The following ADD3 variants were observed in gnomAD, a reference collection of about 807,000 sequenced individuals.
The protein encoded by ADD3 is adducin 3, also known as gamma-adducin.
A neutral mutation model predicts 80.2 loss-of-function variants in ADD3; 25 were observed. The ratio of observed to expected loss-of-function variants is 0.31; its 90% CI spans 0.23 to 0.44. The LOEUF is 0.44. ADD3 is among the 20% of genes least tolerant of loss of function. The pLI, the probability that ADD3 is intolerant of heterozygous loss-of-function variation, is 1.00. For missense variants in ADD3, 829 were observed against 847.5 expected (o/e 0.98, Z 0.27); for synonymous variants, 284 against 289.6 (o/e 0.98, Z 0.20).
intron 1 of ADD3, among the ~76,000 whole-genome samples, chr10:110,043,701 A>C (rs1856612802): frequency 6.6e-6 from 1 of 152,242 alleles, no homozygotes; most frequent in Admixed American, 6.5e-5. Context: ...CATTCAATAA[A>C]TATTTTAATT....
In ADD3 at chr10:110,077,503, G is replaced by A. The variant is rs185515339; in HGVS notation, c.-29-23122G>A. Among the ~76,000 whole-genome samples, 4 of 152,166 alleles carry A rather than the reference G, an allele frequency of 2.6e-5. No homozygotes were observed. The East Asian group carries it at 7.7e-4, about 29-fold the overall frequency. On this transcript the variant is annotated intron_variant, in intron 1 of 14. Coordinates refer to ENST00000356080, the MANE Select transcript of ADD3 (RefSeq NM_016824.5). ...TGGCAATACTGTATTTCGAGACATC[G>A]TGACATGAACTTTGTGTGTAAGAGT...
intron 1 of ADD3, among the ~76,000 whole-genome samples, chr10:110,094,180 A>T (rs1244991408): frequency 6.6e-6 from 1 of 152,148 alleles, no homozygotes. Context: ...CTCTCAGTGG[A>T]TGGTATTTAT....
chr10:110,073,138 C>CTTTTTTTTTTTTTTTT (rs1189793476), intron 1 of ADD3, among the ~76,000 whole-genome samples: 2 of 94,254 alleles, frequency 2.1e-5, no homozygotes, highest in African/African-American at 9.1e-5. Flanking sequence ...TTTTAGTTTT[C>CTTTTTTTTTTTTTTTT]TTTTTTTTTT....
At chr10:110,021,618 A>G (rs988524213) in intron 1 of ADD3, among the ~76,000 whole-genome samples, 3 of 152,218 alleles carry the variant, frequency 2.0e-5, no homozygotes, top group Non-Finnish European at 2.9e-5. Flanking sequence ...ACAAGGCCAC[A>G]TATTATATGG....
intron 2 of ADD3, among the ~76,000 whole-genome samples, chr10:110,106,533 G>C (rs1849412194): frequency 6.6e-6 from 1 of 151,938 alleles, no homozygotes; most frequent in Non-Finnish European, 1.5e-5. Context: ...TAGCCTACAT[G>C]AATCTCACAT....
intron 1 of ADD3, among the ~76,000 whole-genome samples, chr10:110,070,322 T>C (rs1844508040): frequency 6.6e-6 from 1 of 152,188 alleles, no homozygotes; most frequent in South Asian, 2.1e-4. Context: ...TTTTTTACCA[T>C]GATACCTGTT....
At chr10:110,123,740 A>G (rs1016324085) in intron 9 of ADD3, 1 of 329,524 alleles carries the variant, frequency 3.0e-6, no homozygotes, top group African/African-American at 2.1e-5. Context: ...ATAGAAAAGC[A>G]CTTCTGGTCA....
chr10:110,030,738 AAAAG>A (rs1854906240), intron 1 of ADD3, among the ~76,000 whole-genome samples: 1 of 151,716 alleles, frequency 6.6e-6, no homozygotes, highest in African/African-American at 2.4e-5. Flanking sequence ...TAGTACAAGA[AAAAG>A]AACATAAAAT....
At chr10:110,107,404 T>TAG (rs1849510821) in intron 2 of ADD3, among the ~76,000 whole-genome samples, 1 of 152,042 alleles carries the variant, frequency 6.6e-6, no homozygotes, top group Admixed American at 6.6e-5. Context: ...CGAGCAGGGC[T>TAG]AGAGAAGTGC....
intron 1 of ADD3, among the ~76,000 whole-genome samples, chr10:110,025,823 A>G (rs561285645): frequency 1.0e-3 from 155 of 152,138 alleles, no homozygotes; most frequent in African/African-American, 3.6e-3. Context: ...TCAGAATTCC[A>G]CCTGACCTTC....
In ADD3 at chr10:110,100,633, A is replaced by T. The variant is rs551499537; in HGVS notation, c.-21A>T. On this transcript the variant is annotated 5_prime_UTR_variant, in exon 2 of 15. Coordinates refer to ENST00000356080, the MANE Select transcript of ADD3 (RefSeq NM_016824.5). ...TGTGTTTATTAATGCAGATAACAAG[A>T]GTAATCCACAGACTTAAAACATGAG... is the stretch of plus-strand genomic sequence containing the variant. The T allele has an allele frequency of 8.8e-5, 137 of 1,562,612 alleles. 2 individuals carry two copies. The South Asian group carries it at 1.6e-3, about 18-fold the overall frequency.
At chr10:110,118,548 G>T (rs200640484) in intron 5 of ADD3, 39 bp from the exon 6 acceptor site, 1 of 1,575,366 alleles carries the variant, frequency 6.3e-7, no homozygotes, top group East Asian at 2.2e-5. Context: ...ACTTTGATAC[G>T]TATATACCAG....
chr10:110,053,533 T>TAGTA (rs58763242), intron 1 of ADD3, among the ~76,000 whole-genome samples: 18,742 of 151,926 alleles, frequency 0.12, 3,672 homozygotes, highest in African/African-American at 0.42. Context: ...AAACTTAAAG[T>TAGTA]AGTACATTTT....
At chr10:110,097,385 A>C (rs1295267653) in intron 1 of ADD3, among the ~76,000 whole-genome samples, 1 of 152,116 alleles carries the variant, frequency 6.6e-6, no homozygotes, top group Admixed American at 6.5e-5. Context: ...TTTTCCTTTG[A>C]CTGTGTTGAG....
chr10:110,092,910 A>T (rs1179277726), intron 1 of ADD3, among the ~76,000 whole-genome samples: 1 of 152,106 alleles, frequency 6.6e-6, no homozygotes, highest in Non-Finnish European at 1.5e-5. Flanking sequence ...CCCATGCTGG[A>T]GTGCAGTGGT....
At chr10:110,015,744 T>G (rs1238511529) in intron 1 of ADD3, among the ~76,000 whole-genome samples, 1 of 152,160 alleles carries the variant, frequency 6.6e-6, no homozygotes, top group Admixed American at 6.5e-5. Context: ...GTAATACATT[T>G]TTACTTCATC....
chr10:110,026,282 GT>G (rs11395254), intron 1 of ADD3, among the ~76,000 whole-genome samples: 168 of 135,640 alleles, frequency 1.2e-3, no homozygotes, highest in East Asian at 7.0e-3. Flanking sequence ...CAGTTTTCTT[GT>G]TTTTTTTTTT....
At chr10:110,114,851 G>T (rs1011339466) in intron 3 of ADD3, among the ~76,000 whole-genome samples, 2 of 152,170 alleles carry the variant, frequency 1.3e-5, no homozygotes, top group African/African-American at 4.8e-5. Context: ...GCCAAGGCAG[G>T]AGGATCACTG....
chr10:110,084,792 G>C (rs934664583), intron 1 of ADD3, among the ~76,000 whole-genome samples: 1 of 152,114 alleles, frequency 6.6e-6, no homozygotes, highest in Non-Finnish European at 1.5e-5. Flanking sequence ...AAGCAATGTT[G>C]TTTCTCTACA....
Sources: gnomAD v4.1 joint callset for allele counts (sites outside exome capture counted in the v4.1 genomes callset) on GRCh38, gnomAD v4.1.1 for gene constraint, MANE v1.5 for transcripts, NCBI Gene and HGNC (gene_info 2026-07-23, HGNC 2026-07-21) for gene names.